The following FANCB variants were observed in gnomAD, a reference collection of about 807,000 sequenced individuals.
The protein encoded by FANCB is Fanconi anemia group B protein.
FANCB carries 5 observed loss-of-function variants against 38.9 expected under a neutral mutation model. That is an observed-to-expected ratio of 0.13 (90% CI 0.07 to 0.27). FANCB has a LOEUF of 0.27. Ranked by LOEUF, FANCB falls within the 10% of genes least tolerant of loss-of-function variation. The pLI is 1.00. For synonymous variants in FANCB, 236 were observed against 215.4 expected (o/e 1.10, Z -0.84); for missense variants, 573 against 602.7 (o/e 0.95, Z 0.52).
chrX:14,796,323 G>A, the FANCB span, among the ~76,000 whole-genome samples: 1 of 107,176 alleles, frequency 9.3e-6, no homozygotes, highest in African/African-American at 3.4e-5. Context: ...AGCTGTATTA[G>A]TCAGAGTTCT....
chrX:14,725,549 G>T, the FANCB span, among the ~76,000 whole-genome samples: 3 of 111,756 alleles, frequency 2.7e-5, no homozygotes, highest in East Asian at 5.6e-4. Flanking sequence ...AGATTTTTAG[G>T]AGTCCTTTTA....
At chrX:14,720,496 G>A in the FANCB span, among the ~76,000 whole-genome samples, 51,808 of 109,709 alleles carry the variant, frequency 0.47, 9,426 homozygotes, top group Non-Finnish European at 0.57. Flanking sequence ...ACATACAGAG[G>A]ATAACTGTTA....
chrX:14,743,073 T>A, the FANCB span, among the ~76,000 whole-genome samples: 1 of 111,866 alleles, frequency 8.9e-6, no homozygotes, highest in Non-Finnish European at 1.9e-5. Context: ...TAGCACGGAG[T>A]AGGCGAGTAG....
downstream of FANCB, among the ~76,000 whole-genome samples, chrX:14,832,710 C>T (rs2092330424): frequency 8.9e-6 from 1 of 111,769 alleles, no homozygotes; most frequent in Non-Finnish European, 1.9e-5. Context: ...CCTCACTCTT[C>T]CATAAAGCTC....
At chrX:14,768,970 T>C in the FANCB span, among the ~76,000 whole-genome samples, 3 of 112,176 alleles carry the variant, frequency 2.7e-5, no homozygotes, top group Non-Finnish European at 5.6e-5. Flanking sequence ...TTTATTTATT[T>C]GCATATGTTG....
chrX:14,809,684 G>C, the FANCB span, among the ~76,000 whole-genome samples: 1 of 112,822 alleles, frequency 8.9e-6, no homozygotes, highest in Non-Finnish European at 1.9e-5. Flanking sequence ...TGGGAAGCTC[G>C]AACTGGGTGG....
chrX:14,834,671 G>C (rs2092336461), downstream of FANCB: 1 of 634,084 alleles, frequency 1.6e-6, no homozygotes, highest in African/African-American at 2.2e-5. Flanking sequence ...CCTGTTTTTT[G>C]AAGGATTCTT....
At chrX:14,816,983 C>T in the FANCB span, among the ~76,000 whole-genome samples, 6 of 112,169 alleles carry the variant, frequency 5.3e-5, no homozygotes, top group Non-Finnish European at 1.1e-4. Context: ...ACTATTTTCT[C>T]TCTGTTTTGG....
chrX:14,758,923 T>C, the FANCB span, among the ~76,000 whole-genome samples: 1 of 111,220 alleles, frequency 9.0e-6, no homozygotes, highest in Non-Finnish European at 1.9e-5. Context: ...ATTATTAAGC[T>C]AATCAAGGAG....
At chrX:14,789,744 G>A in the FANCB span, among the ~76,000 whole-genome samples, 1 of 111,565 alleles carries the variant, frequency 9.0e-6, no homozygotes, top group Non-Finnish European at 1.9e-5. Flanking sequence ...GCCATTTTCT[G>A]TAGCATTGAC....
Position 14,845,196 on chromosome X carries a change from C to G in FANCB, c.1587G>C (p.Lys529Asn). The G allele has an allele frequency of 8.3e-7, 1 of 1,208,727 alleles. No individual in the cohort carries two copies. Among genetic ancestry groups the G allele is most frequent in the East Asian group, 3.0e-5 (1 of 33,809 alleles). Residue 529 changes from lysine (K) to asparagine (N), a missense_variant, in exon 8 of 10, where the codon AAG becomes AAC. Coordinates refer to ENST00000650831, the MANE Select transcript of FANCB (RefSeq NM_001018113.3). The stretch of plus-strand genomic sequence containing the variant: ...GTGCTGGGAAAGGATTTGTACTCAA[C>G]TTAATCACCCTATTTTGACACTTTA... The part of the protein sequence containing the change: ...RLLKCQNRVI[K>N]LSTNPFPAPY...
chrX:14,690,790 G>A, the FANCB span: 803 of 1,198,680 alleles, frequency 6.7e-4, 1 homozygote, highest in African/African-American at 1.4e-3. Context: ...AATACGCAGC[G>A]GTGAACTTCG....
chrX:14,698,109 G>C, the FANCB span, among the ~76,000 whole-genome samples: 1 of 111,871 alleles, frequency 8.9e-6, no homozygotes, highest in Non-Finnish European at 1.9e-5. Context: ...CAAATAGGGT[G>C]AGGCAAGTGA....
the FANCB span, among the ~76,000 whole-genome samples, chrX:14,775,162 T>TTTTTC: frequency 1.5e-5 from 1 of 67,494 alleles, no homozygotes; most frequent in Non-Finnish European, 2.4e-5. Flanking sequence ...TCTCTAATGT[T>TTTTTC]TTTTTTTTTT....
chrX:14,817,664 T>G, the FANCB span, among the ~76,000 whole-genome samples: 1 of 112,086 alleles, frequency 8.9e-6, no homozygotes, highest in East Asian at 2.8e-4. Flanking sequence ...ACATTCCTAA[T>G]AATGACTCTG....
the FANCB span, among the ~76,000 whole-genome samples, chrX:14,770,071 T>C: frequency 2.4e-4 from 27 of 112,487 alleles, no homozygotes; most frequent in African/African-American, 7.4e-4. Context: ...ATGTGATCAA[T>C]TTTAGAGTAA....
the FANCB span, among the ~76,000 whole-genome samples, chrX:14,690,184 T>C: frequency 8.9e-6 from 1 of 112,137 alleles, no homozygotes; most frequent in East Asian, 2.8e-4. Context: ...ATTATATTGA[T>C]TTTTAAATTT....
At chrX:14,835,286 CA>C, downstream of FANCB, 1 of 509,327 alleles carries the variant, frequency 2.0e-6, no homozygotes, top group Non-Finnish European at 3.5e-6. Context: ...TCTGGGGCCT[CA>C]GGGGGCTCAT....
the FANCB span, among the ~76,000 whole-genome samples, chrX:14,810,729 T>A: frequency 8.9e-6 from 1 of 111,982 alleles, no homozygotes; most frequent in East Asian, 2.8e-4. Context: ...GGAACCAAGT[T>A]GGAAAACACT....
Sources: gnomAD v4.1 joint callset for allele counts (sites outside exome capture counted in the v4.1 genomes callset) on GRCh38, gnomAD v4.1.1 for gene constraint, MANE v1.5 for transcripts, NCBI Gene and HGNC (gene_info 2026-07-23, HGNC 2026-07-21) for gene names.